The following CSMD1 variants were observed in gnomAD, a reference collection of about 807,000 sequenced individuals.
CSMD1 encodes CUB and sushi domain-containing protein 1.
Under a neutral mutation model 417.5 loss-of-function variants are expected in CSMD1, and 213 were observed. That is an observed-to-expected ratio of 0.51 (90% CI 0.46 to 0.57). The LOEUF (loss-of-function observed/expected upper bound fraction) is 0.57, where lower values mean the gene tolerates loss of function less well. Ranked by LOEUF, CSMD1 falls within the 20% of genes least tolerant of loss-of-function variation. The pLI, the probability that CSMD1 is intolerant of heterozygous loss-of-function variation, is 0.00. For missense variants in CSMD1, 6,923 were observed against 4,529.7 expected, an observed-to-expected ratio of 1.53 and a Z score of -15.17; for synonymous variants, 2,862 against 1,736.8, an observed-to-expected ratio of 1.65 and a Z score of -16.11.
chr8:4,277,436 C>T (rs777319738), intron 3 of CSMD1, among the ~76,000 whole-genome samples: 6 of 152,136 alleles, frequency 3.9e-5, no homozygotes, highest in Non-Finnish European at 8.8e-5. Context: ...TGTCCGTCAG[C>T]TTTCAGTCAA....
At chr8:3,742,035 T>G (rs1218475779) in intron 6 of CSMD1, among the ~76,000 whole-genome samples, 1 of 151,926 alleles carries the variant, frequency 6.6e-6, no homozygotes, top group African/African-American at 2.4e-5. Flanking sequence ...TCTCTCCTTT[T>G]CTTCCCAGCT....
chr8:4,078,333 G>A (rs1222917278), intron 3 of CSMD1, among the ~76,000 whole-genome samples: 1 of 47,332 alleles, frequency 2.1e-5, no homozygotes, highest in South Asian at 5.5e-4. Flanking sequence ...TTTTTTTTTT[G>A]AGAGGGAGTC....
intron 3 of CSMD1, among the ~76,000 whole-genome samples, chr8:4,183,833 T>C (rs1798514555): frequency 6.6e-6 from 1 of 152,208 alleles, no homozygotes; most frequent in Non-Finnish European, 1.5e-5. Context: ...TCTCCCCTCC[T>C]GGATTGCCCA....
intron 57 of CSMD1, 25 bp downstream of exon 57, chr8:2,973,092 G>T: frequency 6.2e-7 from 1 of 1,601,468 alleles, no homozygotes; most frequent in Admixed American, 1.7e-5. Context: ...TTTCAAGGTG[G>T]ACCTTAAGGC....
In CSMD1 at chr8:3,308,458, C is replaced by G. The variant is rs375650641; in HGVS notation, c.3677G>C (p.Gly1226Ala). 1.2e-6 allele frequency: 2 copies of G among 1,613,594 alleles called. No homozygotes were observed. Among genetic ancestry groups the G allele is most frequent in the Admixed American group, 1.7e-5 (1 of 59,994 alleles). Reference sequence around the variant, plus strand: ...GTGGCCTTCATCACGGATCCTATAGCCGTAGTTAGGGATGCCCGGATCCTC... The same window carrying G: ...GTGGCCTTCATCACGGATCCTATAGGCGTAGTTAGGGATGCCCGGATCCTC... ...KCEDPGIPNY[G>A]YRIRDEGHFT... is the part of the protein sequence containing the mutation. Residue 1226 changes from glycine to alanine, a missense_variant, in exon 24 of 70, where the codon GGC becomes GCC. By Grantham distance (60) the Gly-to-Ala change is moderately conservative (BLOSUM62 0). Transcript: ENST00000635120.
At chr8:3,766,162 T>A (rs573913187) in intron 5 of CSMD1, among the ~76,000 whole-genome samples, 1 of 152,128 alleles carries the variant, frequency 6.6e-6, no homozygotes, top group Non-Finnish European at 1.5e-5. Context: ...GGTGTGTACT[T>A]TGGGCCTCCT....
chr8:3,955,821 G>T (rs577654236), intron 5 of CSMD1, among the ~76,000 whole-genome samples: 27 of 152,174 alleles, frequency 1.8e-4, no homozygotes, highest in Non-Finnish European at 4.0e-4. Context: ...ATTAACTGAG[G>T]GGTTCACTTT....
At chr8:4,848,422 C>G (rs1801270703) in intron 1 of CSMD1, among the ~76,000 whole-genome samples, 1 of 152,176 alleles carries the variant, frequency 6.6e-6, no homozygotes, top group African/African-American at 2.4e-5. Flanking sequence ...GGCCTATGGT[C>G]TTCCAACATT....
chr8:4,512,175 G>A (rs1802857390), intron 2 of CSMD1, among the ~76,000 whole-genome samples: 1 of 152,082 alleles, frequency 6.6e-6, no homozygotes, highest in South Asian at 2.1e-4. Flanking sequence ...ACAGGTTAAA[G>A]AAAAAATCAC....
intron 11 of CSMD1, among the ~76,000 whole-genome samples, chr8:3,489,950 G>C (rs78282747): frequency 0.015 from 2,301 of 152,232 alleles, 62 homozygotes; most frequent in African/African-American, 0.05. Flanking sequence ...CTCTGACTTC[G>C]TATACTGACT....
At chr8:3,432,620 A>C (rs1814285116) in intron 12 of CSMD1, among the ~76,000 whole-genome samples, 1 of 148,574 alleles carries the variant, frequency 6.7e-6, no homozygotes, top group Non-Finnish European at 1.5e-5. Flanking sequence ...GGATCAAGAG[A>C]TTCTCCTGCC....
At chr8:3,547,538 T>C (rs907560124) in intron 10 of CSMD1, among the ~76,000 whole-genome samples, 22 of 152,238 alleles carry the variant, frequency 1.4e-4, no homozygotes, top group African/African-American at 5.3e-4. Flanking sequence ...GAAAATATTT[T>C]TCCAAAGTCT....
chr8:3,187,638 C>G lies in CSMD1; in HGVS notation c.5620+231G>C, dbSNP rs185858099. Among the ~76,000 whole-genome samples, 7 of 152,260 alleles carry G rather than the reference C, an allele frequency of 4.6e-5. No individual in the cohort carries two copies. The East Asian group carries it at 1.4e-3, about 29-fold the overall frequency. On this transcript the variant is annotated intron_variant, in intron 36 of 69. Transcript: ENST00000635120. ...AGACCTGCCGCATGTCAAAGCTCTG[C>G]TATCTGACACTTTTAGATTGGTCTC...
intron 1 of CSMD1, among the ~76,000 whole-genome samples, chr8:4,725,777 A>T (rs963186344): frequency 6.6e-6 from 1 of 152,060 alleles, no homozygotes; most frequent in Admixed American, 6.5e-5. Context: ...GTTACACAGG[A>T]TTTGCGCTGC....
At chr8:4,197,679 G>C (rs28416648) in intron 3 of CSMD1, among the ~76,000 whole-genome samples, 25 of 152,140 alleles carry the variant, frequency 1.6e-4, no homozygotes, top group Non-Finnish European at 2.4e-4. Context: ...AGGAGTTTGA[G>C]GCCAGCTTGG....
At chr8:4,602,748 C>T (rs1346505492) in intron 2 of CSMD1, among the ~76,000 whole-genome samples, 1 of 152,092 alleles carries the variant, frequency 6.6e-6, no homozygotes, top group African/African-American at 2.4e-5. Context: ...CAGATAACTA[C>T]TGCAGAAAAA....
intron 2 of CSMD1, among the ~76,000 whole-genome samples, chr8:4,634,080 T>C (rs555836686): frequency 1.3e-5 from 2 of 152,010 alleles, no homozygotes; most frequent in South Asian, 4.2e-4. Context: ...TGAGTCCAAA[T>C]TTCTTCCCTG....
At chr8:4,156,219 C>T (rs1023874324) in intron 3 of CSMD1, among the ~76,000 whole-genome samples, 2 of 152,132 alleles carry the variant, frequency 1.3e-5, no homozygotes, top group South Asian at 2.1e-4. Context: ...CTGTGATATC[C>T]TTGGGGTGGT....
intron 3 of CSMD1, among the ~76,000 whole-genome samples, chr8:4,149,554 C>T (rs751588210): frequency 1.1e-4 from 17 of 152,110 alleles, no homozygotes; most frequent in Non-Finnish European, 2.2e-4. Flanking sequence ...ATATTTAATT[C>T]TAAGTACAGA....
Sources: allele counts gnomAD v4.1 joint callset (sites outside exome capture counted in the v4.1 genomes callset), GRCh38; gene constraint gnomAD v4.1.1; transcripts MANE v1.5; gene names NCBI Gene and HGNC (gene_info 2026-07-23, HGNC 2026-07-21).